The following TC2N variants were observed in gnomAD, a reference collection of about 807,000 sequenced individuals.
The protein encoded by TC2N is tandem C2 domains nuclear protein.
Under a neutral mutation model 61.9 loss-of-function variants are expected in TC2N, and 51 were observed. The observed-to-expected ratio is 0.82, with a 90% CI of 0.66 to 1.04. TC2N has a LOEUF of 1.04. Among genes scored for constraint, TC2N ranks in the 50% least tolerant of loss-of-function variants. The pLI, the probability that TC2N is intolerant of heterozygous loss-of-function variation, is 0.00. For synonymous variants in TC2N, 204 were observed against 192.6 expected, an observed-to-expected ratio of 1.06 and a Z score of -0.49; for missense variants, 556 against 566.7, an observed-to-expected ratio of 0.98 and a Z score of 0.19.
chr14:91,856,914 AG>A (rs1888494660), intron 1 of TC2N, among the ~76,000 whole-genome samples: 1 of 152,234 alleles, frequency 6.6e-6, no homozygotes, highest in African/African-American at 2.4e-5. Flanking sequence ...AAAGGCAAGG[AG>A]AGCCCCGTGG....
chr14:91,789,681 G>A lies in TC2N; in HGVS notation c.1048-2054C>T, dbSNP rs143175732. On this transcript the variant is annotated intron_variant, in intron 9 of 11. Coordinates refer to ENST00000435962, the MANE Select transcript of TC2N (RefSeq NM_001128596.3). ...GGCTTACCATTTCCTACTTGCCAAG[G>A]TTATTTCACAAATTCAATTCATGTT... 5.5e-3 allele frequency among the ~76,000 whole-genome samples: 822 copies of A among 150,564 alleles called. 5 individuals carry two copies. Among genetic ancestry groups the A allele is most frequent in the Middle Eastern group, 0.014 (4 of 284 alleles).
intron 1 of TC2N, among the ~76,000 whole-genome samples, chr14:91,859,594 T>C (rs906830803): frequency 3.3e-5 from 5 of 152,190 alleles, no homozygotes; most frequent in Non-Finnish European, 7.3e-5. Context: ...ACAAATAGTA[T>C]CATGCAGGAG....
At chr14:91,825,339 T>G (rs1170169758) in intron 1 of TC2N, among the ~76,000 whole-genome samples, 1 of 152,000 alleles carries the variant, frequency 6.6e-6, no homozygotes, top group Non-Finnish European at 1.5e-5. Context: ...GCCATCCTTG[T>G]AATTTTCACA....
chr14:91,805,421 C>A (rs117777291), intron 3 of TC2N, among the ~76,000 whole-genome samples: 1,680 of 152,334 alleles, frequency 0.011, 20 homozygotes, highest in Middle Eastern at 0.024. Flanking sequence ...GTAATCCCAG[C>A]ACTTTGAAAG....
At chr14:91,806,720 T>C (rs1886523610) in intron 3 of TC2N, among the ~76,000 whole-genome samples, 1 of 152,070 alleles carries the variant, frequency 6.6e-6, no homozygotes, top group African/African-American at 2.4e-5. Flanking sequence ...TTCGAAAAAT[T>C]TGCAGACTGT....
chr14:91,812,592 A>G (rs543191968), intron 2 of TC2N, 47 bp from the exon 3 acceptor site: 2 of 940,406 alleles, frequency 2.1e-6, no homozygotes, highest in Non-Finnish European at 3.3e-6. Flanking sequence ...TATAGGTTAC[A>G]TATAATAATC....
chr14:91,823,005 G>A (rs916643840), intron 1 of TC2N, among the ~76,000 whole-genome samples: 6 of 151,944 alleles, frequency 3.9e-5, no homozygotes, highest in African/African-American at 1.2e-4. Context: ...ATGAGCCACC[G>A]TGCCGAGCCT....
intron 3 of TC2N, among the ~76,000 whole-genome samples, chr14:91,807,649 A>G (rs1886576239): frequency 6.6e-6 from 1 of 152,210 alleles, no homozygotes; most frequent in Non-Finnish European, 1.5e-5. Flanking sequence ...TCTAGGAAGT[A>G]ATTAACTTTT....
chr14:91,825,668 G>C (rs976664295), intron 1 of TC2N, among the ~76,000 whole-genome samples: 1 of 152,108 alleles, frequency 6.6e-6, no homozygotes, highest in South Asian at 2.1e-4. Flanking sequence ...TTTGAACTAC[G>C]TTAGGGTAGG....
In TC2N at chr14:91,812,451, C is replaced by A. The variant is rs139475001; in HGVS notation, c.162G>T (p.Gln54His). Residue 54 changes from glutamine (Q) to histidine (H), a missense_variant, in exon 3 of 12, where the codon CAG becomes CAT. Gln to His is a conservative substitution (Grantham distance 24). Coordinates refer to ENST00000435962, the MANE Select transcript of TC2N (RefSeq NM_001128596.3). ...PPLTSVSVKP[Q>H]LGCTEDYLLS... is the part of the protein sequence containing the mutation. ...GCAAATAATCCTCAGTACAGCCAAG[C>A]TGAGGCTTTACAGAAACAGAAGTCA... 3 of 1,611,610 alleles carry A rather than the reference C, an allele frequency of 1.9e-6. No homozygotes were observed. In the African/African-American group the frequency reaches 4.0e-5, roughly 22 times the overall value.
At chr14:91,789,437 A>C (rs1885532255) in intron 9 of TC2N, among the ~76,000 whole-genome samples, 1 of 149,006 alleles carries the variant, frequency 6.7e-6, no homozygotes, top group Non-Finnish European at 1.5e-5. Context: ...ACTAAAAAAA[A>C]AAAAAGAAGA....
At chr14:91,814,357 CA>C (rs57521276) in intron 1 of TC2N, among the ~76,000 whole-genome samples, 10,626 of 115,906 alleles carry the variant, frequency 0.092, 934 homozygotes, top group African/African-American at 0.25. Flanking sequence ...AGGGAAAGGT[CA>C]AAAAAAAAAA....
At chr14:91,841,037 T>C (rs1459552276) in intron 1 of TC2N, among the ~76,000 whole-genome samples, 1 of 152,022 alleles carries the variant, frequency 6.6e-6, no homozygotes, top group East Asian at 1.9e-4. Context: ...AAATGAGAAA[T>C]ATTCAGCACC....
At chr14:91,838,609 G>C (rs1318392585) in intron 1 of TC2N, among the ~76,000 whole-genome samples, 1 of 152,244 alleles carries the variant, frequency 6.6e-6, no homozygotes, top group African/African-American at 2.4e-5. Flanking sequence ...AATGAAGGAG[G>C]AATGAATGCT....
intron 1 of TC2N, among the ~76,000 whole-genome samples, chr14:91,827,360 TA>T (rs1214564332): frequency 1.3e-5 from 2 of 152,190 alleles, no homozygotes; most frequent in African/African-American, 4.8e-5. Flanking sequence ...AGGGCTGCAT[TA>T]CTTCTGGAGG....
In TC2N at chr14:91,787,728, T is replaced by G. The variant is rs116795984; in HGVS notation, c.1048-101A>C. ...GCTAAGGTTAGAAATTTTGAAAGTA[T>G]TCCTTTCAAATGATATTCAAAACTA... On this transcript the variant is annotated intron_variant, in intron 9 of 11. Transcript: ENST00000435962. 916 of 653,476 alleles carry G rather than the reference T, an allele frequency of 1.4e-3. 9 individuals are homozygous for G. The African/African-American group carries it at 0.015, about 11-fold the overall frequency. The allele number at this position is 653,476 out of a possible 1,614,324, so 40.5% of individuals were successfully genotyped here.
At chr14:91,783,905 A>G (rs1885241712) in intron 11 of TC2N, among the ~76,000 whole-genome samples, 2 of 152,152 alleles carry the variant, frequency 1.3e-5, no homozygotes, top group South Asian at 4.1e-4. Flanking sequence ...AGATTGGAGC[A>G]GGTCATTGGT....
chr14:91,845,231 CAAAATAAA>C (rs1464147873), intron 1 of TC2N, among the ~76,000 whole-genome samples: 1 of 79,164 alleles, frequency 1.3e-5, no homozygotes, highest in Non-Finnish European at 2.7e-5. Context: ...AACTCCATCT[CAAAATAAA>C]TAAATAAATA....
intron 11 of TC2N, among the ~76,000 whole-genome samples, chr14:91,784,258 C>CT (rs1885257247): frequency 6.6e-6 from 1 of 152,092 alleles, no homozygotes; most frequent in Admixed American, 6.6e-5. Context: ...TATACGAAAA[C>CT]TTTAACTGAA....
Sources: gnomAD v4.1 joint callset for allele counts (sites outside exome capture counted in the v4.1 genomes callset) on GRCh38, gnomAD v4.1.1 for gene constraint, MANE v1.5 for transcripts, NCBI Gene and HGNC (gene_info 2026-07-23, HGNC 2026-07-21) for gene names.